The following MTHFD1L variants were observed in gnomAD, a reference collection of about 807,000 sequenced individuals.
MTHFD1L encodes the protein methylenetetrahydrofolate dehydrogenase (NADP+ dependent) 1 like.
In MTHFD1L, 81 loss-of-function variants were observed where a neutral mutation model predicts 119.5. That is an observed-to-expected ratio of 0.68 (90% confidence interval 0.57 to 0.82). The LOEUF is 0.82. Among genes scored for constraint, MTHFD1L ranks in the 40% least tolerant of loss-of-function variants. MTHFD1L has a pLI of 0.00. For missense variants in MTHFD1L, 1,125 were observed against 1,253.4 expected, an observed-to-expected ratio of 0.90 and a Z score of 1.55; for synonymous variants, 430 against 475.2, an observed-to-expected ratio of 0.90 and a Z score of 1.24.
At chr6:150,875,240 G>T (rs1780238589) in intron 1 of MTHFD1L, among the ~76,000 whole-genome samples, 1 of 151,922 alleles carries the variant, frequency 6.6e-6, no homozygotes, top group South Asian at 2.1e-4. Context: ...ATAGAGATGG[G>T]ATCTCGTTAT....
In MTHFD1L at chr6:150,885,605, T is replaced by C. The variant is rs746925926; in HGVS notation, c.543-29T>C. The C allele has an allele frequency of 3.8e-6, 6 of 1,587,146 alleles. No homozygotes were observed. The African/African-American group carries it at 8.1e-5, about 21-fold the overall frequency. ...GTGATTTTTTTGGCTGGGCTTTGAC[T>C]TAACCTACTTCTTTATTTTCTGATT... On this transcript the variant is annotated intron_variant, in intron 5 of 27. Transcript: ENST00000367321.
intron 27 of MTHFD1L, among the ~76,000 whole-genome samples, chr6:151,093,637 C>T (rs1400884978): frequency 6.6e-6 from 1 of 151,770 alleles, no homozygotes; most frequent in African/African-American, 2.4e-5. Flanking sequence ...GCCTGGGCGA[C>T]AGAGCAAGAC....
intron 26 of MTHFD1L, among the ~76,000 whole-genome samples, chr6:151,047,910 G>A (rs1284119617): frequency 6.6e-6 from 1 of 152,176 alleles, no homozygotes; most frequent in Non-Finnish European, 1.5e-5. Flanking sequence ...CATGGCTGGG[G>A]AGGCCTCAGG....
intron 18 of MTHFD1L, among the ~76,000 whole-genome samples, chr6:150,961,211 C>A (rs938413877): frequency 6.6e-6 from 1 of 151,696 alleles, no homozygotes; most frequent in Non-Finnish European, 1.5e-5. Context: ...CTCCTGCCTC[C>A]GCCTCCTGAG....
intron 8 of MTHFD1L, among the ~76,000 whole-genome samples, chr6:150,906,338 A>G (rs1785902399): frequency 6.6e-6 from 1 of 152,220 alleles, no homozygotes; most frequent in Non-Finnish European, 1.5e-5. Context: ...GTATCCAGGA[A>G]TACTCAAGAC....
intron 19 of MTHFD1L, among the ~76,000 whole-genome samples, chr6:150,965,584 C>A (rs1797075908): frequency 6.6e-6 from 1 of 151,708 alleles, no homozygotes; most frequent in African/African-American, 2.4e-5. Context: ...TCGCTTGAAC[C>A]CGGGAGGCAG....
intron 17 of MTHFD1L, among the ~76,000 whole-genome samples, chr6:150,957,743 T>C (rs1223171587): frequency 6.6e-6 from 1 of 152,174 alleles, no homozygotes; most frequent in African/African-American, 2.4e-5. Context: ...GGAAAGGTTG[T>C]AAAAACCATT....
At chr6:151,026,954 AAG>A (rs1172059943) in intron 24 of MTHFD1L, among the ~76,000 whole-genome samples, 1 of 141,508 alleles carries the variant, frequency 7.1e-6, no homozygotes, top group Admixed American at 7.6e-5. Flanking sequence ...TCACCCTCCC[AAG>A]TAGCTTTGAC....
At chr6:150,899,109 A>G (rs803419) in intron 7 of MTHFD1L, 239,439 of 448,792 alleles carry the variant, frequency 0.53, 65,886 homozygotes, top group East Asian at 0.81. Context: ...AATATCTTTG[A>G]TATTTTCTTC....
chr6:151,081,909 C>T (rs930526966), intron 26 of MTHFD1L, among the ~76,000 whole-genome samples: 3 of 152,046 alleles, frequency 2.0e-5, no homozygotes, highest in Non-Finnish European at 2.9e-5. Context: ...TCCTCCCCAC[C>T]CCTTCCTTCC....
At position 150,892,224 on chromosome 6, in the gene MTHFD1L, A is replaced by C. The variant is rs780017105; in HGVS notation, c.780+4243A>C. ...AACAGCTGTGGTGAAGAGAGAAAATACCTTCCTTGGCAATTGAATGTTTTC... is the reference window on the plus strand; with the variant it reads ...AACAGCTGTGGTGAAGAGAGAAAATCCCTTCCTTGGCAATTGAATGTTTTC... On this transcript the variant is annotated intron_variant, in intron 7 of 27. Coordinates refer to ENST00000367321, the MANE Select transcript of MTHFD1L (RefSeq NM_015440.5). Among the ~76,000 whole-genome samples, 13 of 152,234 alleles carry C rather than the reference A, an allele frequency of 8.5e-5. 1 individual carries two copies. Among genetic ancestry groups the C allele is most frequent in the Admixed American group, 1.3e-4 (2 of 15,286 alleles).
chr6:150,896,935 G>A (rs541972202), intron 7 of MTHFD1L, among the ~76,000 whole-genome samples: 41 of 148,702 alleles, frequency 2.8e-4, no homozygotes, highest in African/African-American at 1.0e-3. Context: ...GTGAAACCCT[G>A]TCTCTACTAA....
intron 24 of MTHFD1L, among the ~76,000 whole-genome samples, chr6:151,019,993 G>A (rs1783723460): frequency 6.6e-6 from 1 of 152,210 alleles, no homozygotes; most frequent in African/African-American, 2.4e-5. Flanking sequence ...GCTGGGCAGT[G>A]AGAAAGATAT....
At chr6:151,073,308 C>T (rs1406618313) in intron 26 of MTHFD1L, among the ~76,000 whole-genome samples, 2 of 152,100 alleles carry the variant, frequency 1.3e-5, no homozygotes, top group African/African-American at 2.4e-5. Flanking sequence ...AAGGATCACC[C>T]GAAAGAATGA....
intron 18 of MTHFD1L, among the ~76,000 whole-genome samples, chr6:150,962,622 C>T (rs115956790): frequency 1.4e-3 from 209 of 152,156 alleles, no homozygotes; most frequent in African/African-American, 4.6e-3. Flanking sequence ...ATGCTAGCAG[C>T]ACACAGAGGG....
chr6:150,975,906 G>A (rs1370898731), intron 20 of MTHFD1L, among the ~76,000 whole-genome samples: 2 of 152,218 alleles, frequency 1.3e-5, no homozygotes, highest in Non-Finnish European at 1.5e-5. Flanking sequence ...CACGCCCTGA[G>A]CCTTGCCAAC....
chr6:150,945,755 T>G (rs909748491), intron 15 of MTHFD1L, among the ~76,000 whole-genome samples: 1 of 152,180 alleles, frequency 6.6e-6, no homozygotes, highest in Admixed American at 6.5e-5. Flanking sequence ...GTGGACAAAT[T>G]AATTAACCTT....
At chr6:150,905,559 G>A in intron 7 of MTHFD1L, 91 bp from the exon 8 acceptor site, 1 of 894,050 alleles carries the variant, frequency 1.1e-6, no homozygotes. Context: ...CTGTGGATCT[G>A]GGATTGTGTA....
intron 24 of MTHFD1L, among the ~76,000 whole-genome samples, chr6:151,024,807 C>T (rs117205056): frequency 0.019 from 2,895 of 152,170 alleles, 41 homozygotes; most frequent in Non-Finnish European, 0.027. Context: ...CCATCATGCC[C>T]GGCCTGTTTT....
Sources: gnomAD v4.1 joint callset for allele counts (sites outside exome capture counted in the v4.1 genomes callset) on GRCh38, gnomAD v4.1.1 for gene constraint, MANE v1.5 for transcripts, NCBI Gene and HGNC (gene_info 2026-07-23, HGNC 2026-07-21) for gene names.